OXR1: variants seen among roughly 807,000 people sequenced by gnomAD.
OXR1 encodes oxidation resistance protein 1.
In OXR1, 41 loss-of-function variants were observed where a neutral mutation model predicts 104.6. The ratio of observed to expected loss-of-function variants is 0.39; its 90% CI spans 0.31 to 0.51. The LOEUF is 0.51. Among genes scored for constraint, OXR1 ranks in the 20% least tolerant of loss-of-function variants. OXR1 has a pLI of 0.77. For missense variants in OXR1, 955 were observed against 1,031.9 expected, an observed-to-expected ratio of 0.93 and a Z score of 1.02; for synonymous variants, 348 against 348.4, an observed-to-expected ratio of 1.00 and a Z score of 0.01.
intron 10 of OXR1, among the ~76,000 whole-genome samples, chr8:106,712,552 A>T (rs1298470686): frequency 6.6e-6 from 1 of 152,088 alleles, no homozygotes; most frequent in Non-Finnish European, 1.5e-5. Context: ...GAAATTGGAG[A>T]TACGCGAATT....
intron 2 of OXR1, among the ~76,000 whole-genome samples, chr8:106,465,210 C>T (rs987760127): frequency 3.3e-5 from 5 of 151,772 alleles, no homozygotes; most frequent in African/African-American, 1.2e-4. Context: ...TGGATGTCTG[C>T]GAGATGAGCA....
chr8:106,518,983 G>C lies in OXR1; in HGVS notation c.64G>C (p.Gly22Arg), dbSNP rs1446141339. The change falls in exon 3 of 17, where the codon GGG becomes CGG. Residue 22 changes from glycine to arginine, a missense_variant. Gly to Arg is a moderately radical substitution (Grantham distance 125). Around this residue, in one of 2 missense-constraint regions of OXR1, gnomAD observed 849 missense variants for 852.9 expected, o/e 1.00. Coordinates refer to ENST00000517566, the MANE Select transcript of OXR1 (RefSeq NM_001198533.2). ...CCAGTCGGTGGATATTAATGCTCCA[G>C]GGTTCAACCCTTTGGCTGGTGCAGG... The part of the protein sequence containing the change: ...KSQSVDINAP[G>R]FNPLAGAGKQ... 3.2e-6 allele frequency: 5 copies of C among 1,551,508 alleles called. No homozygotes were observed. The Admixed American group carries it at 5.9e-5, about 18-fold the overall frequency.
Position 106,737,549 on chromosome 8 carries a change from G to A in OXR1, c.1986G>A (p.Arg662=), listed in dbSNP as rs753248996. ...TGTCAGTGGCTGAGTATCACCGCAG[G>A]ATCGATGCTCTAAATACTGAAGAAC... The part of the protein sequence containing the change: ...EVVSVAEYHR[R]IDALNTEELR... Residue 662 remains arginine, a synonymous_variant, in exon 12 of 17, where the codon AGG becomes AGA. Transcript: ENST00000517566. The A allele has an allele frequency of 1.4e-6, 2 of 1,426,088 alleles. No homozygotes were observed. Among genetic ancestry groups the A allele is most frequent in the South Asian group, 1.5e-5 (1 of 66,074 alleles). 88.3% of individuals were successfully genotyped at this position (1,426,088 alleles called of 1,614,324 possible).
chr8:106,428,679 T>C (rs189994193), intron 2 of OXR1, among the ~76,000 whole-genome samples: 1 of 152,076 alleles, frequency 6.6e-6, no homozygotes, highest in African/African-American at 2.4e-5. Flanking sequence ...GAAGACTGTT[T>C]AGCACATAGA....
chr8:106,577,417 C>T (rs1415806577), intron 3 of OXR1, among the ~76,000 whole-genome samples: 2 of 107,514 alleles, frequency 1.9e-5, no homozygotes, highest in Non-Finnish European at 3.5e-5. Flanking sequence ...GAGACAGAGT[C>T]TCTCTTCTGT....
At chr8:106,406,685 G>A (rs1337454729) in intron 2 of OXR1, among the ~76,000 whole-genome samples, 1 of 152,132 alleles carries the variant, frequency 6.6e-6, no homozygotes, top group Non-Finnish European at 1.5e-5. Flanking sequence ...AGTTGCCAGG[G>A]ATTACTCAGG....
intron 2 of OXR1, among the ~76,000 whole-genome samples, chr8:106,444,018 C>A (rs968754951): frequency 2.0e-5 from 3 of 151,964 alleles, no homozygotes; most frequent in South Asian, 4.2e-4. Flanking sequence ...ACAACTCCAT[C>A]AAAACTGGAT....
rs1453686100 is a variant in OXR1, at chr8:106,752,438, T to C, written c.*1497T>C. 1 of 152,550 alleles carries C rather than the reference T, an allele frequency of 6.6e-6. No individual in the cohort carries two copies. Among genetic ancestry groups the C allele is most frequent in the Non-Finnish European group, 1.5e-5 (1 of 67,940 alleles). The allele number at this position is 152,550 out of a possible 1,614,324, so 9.4% of individuals were successfully genotyped here. ...AATCTGATGTTCTATTATAATATGC[T>C]ATTGCTGAATATGAATAGAAATACA... On this transcript the variant is annotated 3_prime_UTR_variant, in exon 17 of 17. Coordinates refer to ENST00000517566, the MANE Select transcript of OXR1 (RefSeq NM_001198533.2).
At chr8:106,413,012 G>A (rs1818521074) in intron 2 of OXR1, among the ~76,000 whole-genome samples, 2 of 151,832 alleles carry the variant, frequency 1.3e-5, no homozygotes, top group African/African-American at 2.4e-5. Context: ...TGCTTGCCAG[G>A]GAATTCATTT....
intron 3 of OXR1, among the ~76,000 whole-genome samples, chr8:106,533,701 A>C (rs756108506): frequency 6.7e-6 from 1 of 148,256 alleles, no homozygotes; most frequent in African/African-American, 2.5e-5. Flanking sequence ...ACAGGGCAGC[A>C]GTTGAGTTTA....
intron 2 of OXR1, among the ~76,000 whole-genome samples, chr8:106,452,072 A>G (rs570460907): frequency 3.0e-4 from 46 of 152,202 alleles, no homozygotes; most frequent in Admixed American, 7.9e-4. Context: ...GGACACATGG[A>G]ACATAGTCTA....
At chr8:106,282,373 A>C (rs139024240) in intron 1 of OXR1, among the ~76,000 whole-genome samples, 1 of 152,196 alleles carries the variant, frequency 6.6e-6, no homozygotes, top group Admixed American at 6.5e-5. Flanking sequence ...CAACTTTGAA[A>C]ATATGATTAT....
intron 6 of OXR1, among the ~76,000 whole-genome samples, chr8:106,687,075 C>T (rs963067061): frequency 6.6e-6 from 1 of 152,124 alleles, no homozygotes; most frequent in Non-Finnish European, 1.5e-5. Context: ...TCTCTAGTGT[C>T]CTTTGGGTGG....
chr8:106,705,320 G>C (rs1293778412), intron 8 of OXR1, among the ~76,000 whole-genome samples: 3 of 151,972 alleles, frequency 2.0e-5, no homozygotes, highest in Admixed American at 1.3e-4. Flanking sequence ...CAGATACAAA[G>C]GCAGCAGAGA....
intron 1 of OXR1, among the ~76,000 whole-genome samples, chr8:106,313,932 G>A (rs1375889185): frequency 6.6e-6 from 1 of 152,100 alleles, no homozygotes; most frequent in Non-Finnish European, 1.5e-5. Context: ...AAAGAAGAAT[G>A]TTTTTCTCAT....
intron 8 of OXR1, among the ~76,000 whole-genome samples, chr8:106,703,814 C>A (rs1830818069): frequency 6.6e-6 from 1 of 151,994 alleles, no homozygotes; most frequent in South Asian, 2.1e-4. Flanking sequence ...GGAGAAGTAG[C>A]AAGGAAGGAA....
chr8:106,285,310 T>G (rs1404685180), intron 1 of OXR1, among the ~76,000 whole-genome samples: 1 of 152,206 alleles, frequency 6.6e-6, no homozygotes, highest in Non-Finnish European at 1.5e-5. Flanking sequence ...TTTCATTTCA[T>G]GCTTATATTT....
intron 3 of OXR1, among the ~76,000 whole-genome samples, chr8:106,634,508 T>G (rs578011990): frequency 6.6e-6 from 1 of 152,310 alleles, no homozygotes; most frequent in Non-Finnish European, 1.5e-5. Flanking sequence ...TTAAGTAACT[T>G]GCACATACAA....
intron 1 of OXR1, among the ~76,000 whole-genome samples, chr8:106,315,231 A>G (rs1267269106): frequency 6.6e-6 from 1 of 152,102 alleles, no homozygotes; most frequent in Non-Finnish European, 1.5e-5. Context: ...TCAATTTAAA[A>G]TGGTAAGGTA....
Sources: allele counts gnomAD v4.1 joint callset (sites outside exome capture counted in the v4.1 genomes callset), GRCh38; gene constraint gnomAD v4.1.1; regional missense constraint gnomAD v4.1.1; transcripts MANE v1.5; gene names NCBI Gene and HGNC (gene_info 2026-07-23, HGNC 2026-07-21).